Variants in TENM1 observed in about 807,000 individuals in gnomAD.
TENM1 encodes the protein teneurin-1.
In TENM1, 35 loss-of-function variants were observed where a neutral mutation model predicts 174.8. The observed-to-expected ratio is 0.20, with a 90% CI of 0.15 to 0.27. The LOEUF is 0.27. Ranked by LOEUF, TENM1 falls within the 10% of genes least tolerant of loss-of-function variation. The pLI, the probability that TENM1 is intolerant of heterozygous loss-of-function variation, is 1.00. For synonymous variants in TENM1, 781 were observed against 798.7 expected, an observed-to-expected ratio of 0.98 and a Z score of 0.37; for missense variants, 1,633 against 2,130.1, an observed-to-expected ratio of 0.77 and a Z score of 4.59.
rs2051188876 is a variant in TENM1, at chrX:124,647,503, C to T, written c.1580-693G>A. 2.7e-5 allele frequency among the ~76,000 whole-genome samples: 3 copies of T among 110,964 alleles called. No homozygotes were observed. In the Admixed American group the frequency reaches 2.9e-4, roughly 11 times the overall value. ...TGAATTGAGATGGCTTTGAAGGTAC[C>T]GATAGGTAGTTCTGGTGACATAAAT... On this transcript the variant is annotated intron_variant, in intron 8 of 31. Coordinates refer to ENST00000422452, the Ensembl canonical transcript of TENM1.
the TENM1 span, among the ~76,000 whole-genome samples, chrX:125,193,943 C>G: frequency 9.1e-6 from 1 of 110,194 alleles, no homozygotes; most frequent in Non-Finnish European, 1.9e-5. Flanking sequence ...TACCACCACG[C>G]CCAGTTAATT....
chrX:124,464,341 A>G (rs1232856866), intron 22 of TENM1, among the ~76,000 whole-genome samples: 1 of 112,189 alleles, frequency 8.9e-6, no homozygotes, highest in Non-Finnish European at 1.9e-5. Flanking sequence ...CCTTGTCCCA[A>G]ATACTCAATA....
At chrX:125,134,797 A>G in the TENM1 span, among the ~76,000 whole-genome samples, 2 of 112,084 alleles carry the variant, frequency 1.8e-5, no homozygotes, top group Non-Finnish European at 3.8e-5. Context: ...ATGTGCTCAA[A>G]AGTTCTCATA....
At chrX:125,018,779 C>G in the TENM1 span, among the ~76,000 whole-genome samples, 1 of 111,069 alleles carries the variant, frequency 9.0e-6, no homozygotes, top group East Asian at 2.8e-4. Flanking sequence ...AGTTATAGGT[C>G]ACATGTAAGG....
At chrX:124,491,123 C>T (rs2047057032) in intron 20 of TENM1, among the ~76,000 whole-genome samples, 1 of 112,160 alleles carries the variant, frequency 8.9e-6, no homozygotes, top group South Asian at 3.7e-4. Flanking sequence ...CCATTTGCCA[C>T]TACTGAGTGA....
intron 24 of TENM1, 50 bp downstream of exon 27, chrX:124,422,222 T>C (rs746220055): frequency 1.7e-6 from 2 of 1,163,188 alleles, no homozygotes; most frequent in East Asian, 3.0e-5. Flanking sequence ...GGCACGTTTT[T>C]CTTTTCAAAA....
the TENM1 span, among the ~76,000 whole-genome samples, chrX:125,117,002 C>G: frequency 2.3e-5 from 2 of 87,391 alleles, no homozygotes; most frequent in African/African-American, 1.0e-4. Context: ...CAGTGCAAGA[C>G]TCTGTCTCAA....
At chrX:125,062,332 G>A in the TENM1 span, among the ~76,000 whole-genome samples, 1 of 111,356 alleles carries the variant, frequency 9.0e-6, no homozygotes, top group African/African-American at 3.3e-5. Context: ...AGATATAGCT[G>A]CAACTAGGAA....
At chrX:124,613,929 G>T (rs761851243) in intron 11 of TENM1, among the ~76,000 whole-genome samples, 18 of 111,566 alleles carry the variant, frequency 1.6e-4, no homozygotes, top group African/African-American at 5.9e-4. Flanking sequence ...AGACTACTCC[G>T]TGGGAAGCTG....
the TENM1 span, among the ~76,000 whole-genome samples, chrX:125,031,882 T>G: frequency 1.8e-5 from 2 of 112,257 alleles, no homozygotes; most frequent in African/African-American, 6.5e-5. Flanking sequence ...AAGACAAAAC[T>G]AAGCAGATTT....
At chrX:124,567,329 GA>G in intron 11 of TENM1, among the ~76,000 whole-genome samples, 1 of 111,645 alleles carries the variant, frequency 9.0e-6, no homozygotes, top group African/African-American at 3.2e-5. Context: ...AGATCAGGTA[GA>G]AAAAAAGAGG....
At chrX:124,518,652 T>A (rs1486137190) in intron 18 of TENM1, among the ~76,000 whole-genome samples, 2 of 112,206 alleles carry the variant, frequency 1.8e-5, no homozygotes, top group East Asian at 2.8e-4. Flanking sequence ...CCTCATTTAA[T>A]CATTATATCA....
At position 124,935,685 on chromosome X, in the gene TENM1, G is replaced by C. The variant is rs371977774; in HGVS notation, c.217+27852C>G. Among the ~76,000 whole-genome samples the C allele has an allele frequency of 6.9e-4, 78 of 112,667 alleles. 1 individual carries two copies. Among genetic ancestry groups the C allele is most frequent in the African/African-American group, 2.5e-3 (77 of 31,061 alleles). On this transcript the variant is annotated intron_variant, in intron 1 of 31. Transcript: ENST00000422452. ...CTCATGTCAATAATTTTTTACAGCAGAAATATCTGAAATTGCTACATCATT... is the reference window on the plus strand; with the variant it reads ...CTCATGTCAATAATTTTTTACAGCACAAATATCTGAAATTGCTACATCATT...
chrX:125,172,877 T>G, the TENM1 span, among the ~76,000 whole-genome samples: 1 of 111,682 alleles, frequency 9.0e-6, no homozygotes, highest in Non-Finnish European at 1.9e-5. Flanking sequence ...AGAAAGAAGT[T>G]TCTTCCTTTT....
chrX:125,195,776 G>A, the TENM1 span, among the ~76,000 whole-genome samples: 1 of 109,819 alleles, frequency 9.1e-6, no homozygotes, highest in Non-Finnish European at 1.9e-5. Context: ...AAGAAGGTAC[G>A]AACTGAAAAA....
At chrX:124,600,426 G>T (rs1011482488) in intron 11 of TENM1, among the ~76,000 whole-genome samples, 1 of 111,495 alleles carries the variant, frequency 9.0e-6, no homozygotes, top group Non-Finnish European at 1.9e-5. Context: ...GTTATCACAG[G>T]TATGAATAAA....
chrX:124,568,985 C>T (rs2048997843), intron 11 of TENM1, among the ~76,000 whole-genome samples: 1 of 111,738 alleles, frequency 8.9e-6, no homozygotes, highest in African/African-American at 3.3e-5. Context: ...GGGCAGGTCA[C>T]TTGAGCGCAG....
chrX:124,399,290 T>C (rs1320338592), intron 27 of TENM1, among the ~76,000 whole-genome samples: 1 of 112,224 alleles, frequency 8.9e-6, no homozygotes, highest in East Asian at 2.8e-4. Context: ...AATGAGTTAA[T>C]ATGTGGCAGT....
intron 23 of TENM1, among the ~76,000 whole-genome samples, chrX:124,435,672 C>A (rs1432498049): frequency 9.0e-6 from 1 of 111,596 alleles, no homozygotes; most frequent in African/African-American, 3.3e-5. Context: ...CTAATAAGAG[C>A]AGATGGCCTA....
Sources: gnomAD v4.1 joint callset for allele counts (sites outside exome capture counted in the v4.1 genomes callset) on GRCh38, gnomAD v4.1.1 for gene constraint, MANE v1.5 for transcripts, NCBI Gene and HGNC (gene_info 2026-07-23, HGNC 2026-07-21) for gene names.